PALS1: variants seen among roughly 807,000 people sequenced by gnomAD.
The protein encoded by PALS1 is protein associated with LIN7 1, MAGUK p55 family member.
In PALS1, 31 loss-of-function variants were observed where a neutral mutation model predicts 78.9. That is an observed-to-expected ratio of 0.39 (90% confidence interval 0.30 to 0.53). The LOEUF is 0.53. PALS1 is among the 20% of genes least tolerant of loss of function. The pLI is 0.67. For synonymous variants in PALS1, 276 were observed against 270.9 expected (o/e 1.02, Z -0.18); for missense variants, 704 against 826.5 (o/e 0.85, Z 1.82).
intron 14 of PALS1, 132 bp from the exon 15 acceptor site, chr14:67,332,648 G>C: frequency 1.2e-6 from 1 of 850,164 alleles, no homozygotes; most frequent in Non-Finnish European, 1.8e-6. Context: ...GGTTGGAAAG[G>C]AGCTCCTGAG....
chr14:67,293,857 C>T (rs1054178543), intron 4 of PALS1, among the ~76,000 whole-genome samples: 3 of 152,038 alleles, frequency 2.0e-5, no homozygotes, highest in Admixed American at 2.0e-4. Context: ...CTACTGGGTC[C>T]TTGTTTTGCT....
chr14:67,301,599 A>G (rs2084933573), intron 5 of PALS1, 133 bp downstream of exon 5: 2 of 506,874 alleles, frequency 3.9e-6, no homozygotes, highest in Non-Finnish European at 6.8e-6. Context: ...CCCATCTATA[A>G]CATAGTAGTT....
At chr14:67,286,796 G>A (rs1237360220) in intron 3 of PALS1, among the ~76,000 whole-genome samples, 1 of 147,186 alleles carries the variant, frequency 6.8e-6, no homozygotes, top group Non-Finnish European at 1.5e-5. Context: ...AGTTGAGGCT[G>A]CAGTGAGCTC....
At chr14:67,286,333 G>C (rs1364124400) in intron 3 of PALS1, among the ~76,000 whole-genome samples, 1 of 152,060 alleles carries the variant, frequency 6.6e-6, no homozygotes, top group Non-Finnish European at 1.5e-5. Context: ...GTATGGGATT[G>C]GGGAAGGGAA....
chr14:67,332,422 C>G (rs1036501972), intron 14 of PALS1, among the ~76,000 whole-genome samples: 4 of 152,146 alleles, frequency 2.6e-5, no homozygotes, highest in Non-Finnish European at 5.9e-5. Context: ...ACAGATGTTA[C>G]TATTAGGAAG....
intron 1 of PALS1, among the ~76,000 whole-genome samples, chr14:67,251,470 C>T (rs1037951671): frequency 6.6e-6 from 1 of 152,022 alleles, no homozygotes; most frequent in African/African-American, 2.4e-5. Context: ...GAGGTTGAGG[C>T]TGCAGTGAAC....
intron 1 of PALS1, among the ~76,000 whole-genome samples, chr14:67,266,620 C>A (rs144695856): frequency 2.0e-3 from 310 of 152,128 alleles, no homozygotes; most frequent in African/African-American, 7.0e-3. Context: ...GCCACCTCGC[C>A]CAGCTGAAAT....
Position 67,319,355 on chromosome 14 carries a change from T to C in PALS1, c.1370-875T>C, listed in dbSNP as rs2085228000. 2.6e-5 allele frequency among the ~76,000 whole-genome samples: 4 copies of C among 152,226 alleles called. No homozygotes were observed. In the South Asian group the frequency reaches 8.3e-4, roughly 32 times the overall value. ...ACCACTTGACAGCTCTGGTTTCATC[T>C]GGATTATGGGCTTTAGGAATGTTAC... On this transcript the variant is annotated intron_variant, in intron 11 of 14. Transcript: ENST00000261681.
intron 3 of PALS1, among the ~76,000 whole-genome samples, chr14:67,280,879 C>CCCTCCCTT (rs2084598898): frequency 7.6e-6 from 1 of 131,806 alleles, no homozygotes; most frequent in African/African-American, 2.9e-5. Flanking sequence ...CTCCCTCCCT[C>CCCTCCCTT]CCTTTTCTTT....
chr14:67,308,329 CTTTTTTTT>C (rs200798471), intron 8 of PALS1, among the ~76,000 whole-genome samples: 1,545 of 112,474 alleles, frequency 0.014, 26 homozygotes, highest in African/African-American at 0.047. Context: ...TTTTTTTTTT[CTTTTTTTT>C]CTCTTTGATT....
intron 1 of PALS1, among the ~76,000 whole-genome samples, chr14:67,256,160 G>T (rs2084141976): frequency 6.6e-6 from 1 of 152,004 alleles, no homozygotes; most frequent in Non-Finnish European, 1.5e-5. Context: ...GGGAATATTT[G>T]GTCTATTATC....
intron 4 of PALS1, 55 bp from the exon 5 acceptor site, chr14:67,301,334 T>TG: frequency 8.8e-7 from 1 of 1,131,258 alleles, no homozygotes; most frequent in Non-Finnish European, 1.3e-6. Flanking sequence ...TGCATACAGG[T>TG]GCTACTGATA....
At chr14:67,320,142 C>T in intron 11 of PALS1, 88 bp from the exon 12 acceptor site, 1 of 1,267,674 alleles carries the variant, frequency 7.9e-7, no homozygotes, top group Non-Finnish European at 1.1e-6. Flanking sequence ...GTGCTTTTGT[C>T]TAATTTTGGG....
At position 67,301,423 on chromosome 14, in the gene PALS1, A is replaced by C; in HGVS notation, c.611A>C (p.Glu204Ala). The C allele has an allele frequency of 6.2e-7, 1 of 1,610,728 alleles. No individual in the cohort carries two copies. The highest frequency in any genetic ancestry group is 1.1e-5 in the South Asian group (1 of 90,530). Residue 204 changes from glutamate (E) to alanine (A), a missense_variant, in exon 5 of 15, where the codon GAA (glutamate) becomes GCA (alanine). Glu to Ala is a moderately radical substitution (Grantham distance 107). Transcript: ENST00000261681. ...QTVLKPVHHK[E>A]GQELTALLNT... is the part of the protein sequence containing the mutation. ...GTTTTGAAGCCAGTTCATCATAAGG[A>C]AGGACAAGAACTAACTGCTTTGCTG...
At chr14:67,298,181 A>G in intron 4 of PALS1, among the ~76,000 whole-genome samples, 1 of 152,210 alleles carries the variant, frequency 6.6e-6, no homozygotes, top group East Asian at 1.9e-4. Context: ...TCAGAACTAG[A>G]ATGGTCATAT....
chr14:67,242,611 T>G (rs1435592525), intron 1 of PALS1, among the ~76,000 whole-genome samples: 11 of 152,140 alleles, frequency 7.2e-5, no homozygotes, highest in Non-Finnish European at 1.5e-4. Context: ...TAAGCTTCCT[T>G]GAATTAAGAA....
At chr14:67,295,537 GT>G (rs1294346837) in intron 4 of PALS1, among the ~76,000 whole-genome samples, 12 of 151,260 alleles carry the variant, frequency 7.9e-5, no homozygotes, top group Admixed American at 2.0e-4. Context: ...AGACTACTCG[GT>G]TAAAAAAAAA....
chr14:67,265,564 G>C (rs1211964708), intron 1 of PALS1, among the ~76,000 whole-genome samples: 1 of 150,568 alleles, frequency 6.6e-6, no homozygotes, highest in Non-Finnish European at 1.5e-5. Context: ...CTATTTAAAA[G>C]AAAAATAAAA....
intron 3 of PALS1, among the ~76,000 whole-genome samples, chr14:67,290,066 C>T (rs1408117014): frequency 6.6e-6 from 1 of 152,124 alleles, no homozygotes; most frequent in African/African-American, 2.4e-5. Flanking sequence ...GCCACTGTGC[C>T]TGGCCTCCCT....
Sources: allele counts gnomAD v4.1 joint callset (sites outside exome capture counted in the v4.1 genomes callset), GRCh38; gene constraint gnomAD v4.1.1; transcripts MANE v1.5; gene names NCBI Gene and HGNC (gene_info 2026-07-23, HGNC 2026-07-21).